APLP1: variants seen among roughly 807,000 people sequenced by gnomAD.
APLP1 encodes the protein amyloid beta (A4) precursor-like protein 1.
In APLP1, 46 loss-of-function variants were observed where a neutral mutation model predicts 84.5. The ratio of observed to expected loss-of-function variants is 0.54; its 90% CI spans 0.43 to 0.70. The LOEUF (loss-of-function observed/expected upper bound fraction) is 0.70. Ranked by LOEUF, APLP1 falls within the 30% of genes least tolerant of loss-of-function variation. The pLI is 0.00. For missense variants in APLP1, 826 were observed against 900.2 expected, an observed-to-expected ratio of 0.92 and a Z score of 1.05; for synonymous variants, 376 against 364.0, an observed-to-expected ratio of 1.03 and a Z score of -0.38.
At chr19:35,872,421 T>C (rs1398872230) in intron 6 of APLP1, 62 bp from the exon 7 acceptor site, 2 of 1,576,122 alleles carry the variant, frequency 1.3e-6, no homozygotes, top group African/African-American at 2.7e-5. Context: ...TGTGGTTCTC[T>C]AGGTAGAAAA....
At chr19:35,872,264 G>A (rs937886235) in intron 6 of APLP1, among the ~76,000 whole-genome samples, 19 of 152,134 alleles carry the variant, frequency 1.2e-4, no homozygotes, top group African/African-American at 4.1e-4. Flanking sequence ...AGGTCTTGAG[G>A]ATCATTTCAG....
Position 35,878,099 on chromosome 19 carries a change from C to T in APLP1, c.1570C>T (p.Leu524Phe). Reference sequence around the variant, plus strand: ...GCTGCCAGCAGACACCCCCATGACCCTTCCAAAAGGTGAGTGTCTCACAGT... The same window carrying T: ...GCTGCCAGCAGACACCCCCATGACCTTTCCAAAAGGTGAGTGTCTCACAGT... Reference protein sequence around the residue: ...DSKDADTPMTLPKGSTEQDAA... With the variant: ...DSKDADTPMTFPKGSTEQDAA... Residue 524 changes from leucine to phenylalanine, a missense_variant, in exon 13 of 17, where the codon CTT becomes TTT. Leu to Phe is a conservative substitution (Grantham distance 22). Coordinates refer to ENST00000221891, the MANE Select transcript of APLP1 (RefSeq NM_001024807.3). 6.2e-7 allele frequency: 1 copy of T among 1,612,960 alleles called. No homozygotes were observed. The highest frequency in any genetic ancestry group is 8.5e-7 in the Non-Finnish European group (1 of 1,179,558).
chr19:35,879,391 C>T lies in APLP1; in HGVS notation c.1906C>T (p.Arg636Trp), dbSNP rs764445337. 5 of 1,613,844 alleles carry T rather than the reference C, an allele frequency of 3.1e-6. No individual in the cohort carries two copies. The Admixed American group carries it at 6.7e-5, about 22-fold the overall frequency. Residue 636 changes from arginine (R) to tryptophan (W), a missense_variant, in exon 17 of 17, where the codon CGG becomes TGG. By Grantham distance (101) the Arg-to-Trp change is moderately radical (BLOSUM62 -3). Coordinates refer to ENST00000221891, the MANE Select transcript of APLP1 (RefSeq NM_001024807.3). ...LEEQQLRELQ[R>W]HGYENPTYRF... ...GGAGCAGCAGCTCCGCGAACTGCAGCGGCACGGCTATGAGAACCCCACTTA... is the reference window on the plus strand; with the variant it reads ...GGAGCAGCAGCTCCGCGAACTGCAGTGGCACGGCTATGAGAACCCCACTTA...
Position 35,871,722 on chromosome 19 carries a change from C to A in APLP1, c.648C>A (p.Pro216=). ...EYVCCPPPGT[P]DPSGTAVGDP... ...TGTGCTGTCCCCCTCCAGGGACCCC[C>A]GACCCATCTGGGACAGCAGTTGGGT... The change falls in exon 5 of 17, where the codon CCC becomes CCA. Residue 216 remains proline (P), a synonymous_variant. Transcript: ENST00000221891. 6.2e-7 allele frequency: 1 copy of A among 1,614,104 alleles called. No individual in the cohort carries two copies. The highest frequency in any genetic ancestry group is 8.5e-7 in the Non-Finnish European group (1 of 1,180,022).
At chr19:35,877,595 G>A (rs1472012917) in intron 11 of APLP1, 123 bp from the exon 12 acceptor site, 2 of 626,216 alleles carry the variant, frequency 3.2e-6, no homozygotes, top group Non-Finnish European at 5.5e-6. Flanking sequence ...CACACTTCTG[G>A]CTACCCCACA....
rs1207036001 is a variant in APLP1 at position 35,876,544 on chromosome 19, G to A, written c.1372G>A (p.Glu458Lys). ...GCATACCCACCTTCAAGTGATTGAGGAGAGGGTGAATCAGAGCCTGGGCCT... is the reference window on the plus strand; with the variant it reads ...GCATACCCACCTTCAAGTGATTGAGAAGAGGGTGAATCAGAGCCTGGGCCT... Reference protein sequence around the residue: ...QVHTHLQVIEERVNQSLGLLD... With the variant: ...QVHTHLQVIEKRVNQSLGLLD... The change falls in exon 11 of 17, where the codon GAG becomes AAG. Residue 458 changes from glutamate (E) to lysine (K), a missense_variant. By Grantham distance (56) the Glu-to-Lys change is moderately conservative. Coordinates refer to ENST00000221891, the MANE Select transcript of APLP1 (RefSeq NM_001024807.3). 1.2e-6 allele frequency: 2 copies of A among 1,613,926 alleles called. No homozygotes were observed. Among genetic ancestry groups the A allele is most frequent in the East Asian group, 2.2e-5 (1 of 44,838 alleles).
Position 35,869,663 on chromosome 19 carries a change from C to T in APLP1, c.148-4C>T, listed in dbSNP as rs867208999. The T allele has an allele frequency of 1.2e-6, 2 of 1,610,276 alleles. No homozygotes were observed. The highest frequency in any genetic ancestry group is 2.7e-5 in the African/African-American group (2 of 74,760). ...CCCTCACTGTCCTTTCCACTTCCATCCAGGCCCCGGGGTCGGCCCAGGTGG... is the reference window on the plus strand; with the variant it reads ...CCCTCACTGTCCTTTCCACTTCCATTCAGGCCCCGGGGTCGGCCCAGGTGG... On this transcript the variant is annotated splice_polypyrimidine_tract_variant and splice_region_variant and intron_variant, in intron 1 of 16. Transcript: ENST00000221891.
chr19:35,869,923 A>G (rs1489220437), intron 2 of APLP1, 113 bp downstream of exon 2: 1 of 1,371,726 alleles, frequency 7.3e-7, no homozygotes, highest in Non-Finnish European at 9.7e-7. Context: ...GGCGTGGCCA[A>G]TAAAGAGGCG....
chr19:35,871,506 G>A lies in APLP1; in HGVS notation c.538-106G>A. On this transcript the variant is annotated intron_variant, in intron 4 of 16. Coordinates refer to ENST00000221891, the MANE Select transcript of APLP1 (RefSeq NM_001024807.3). Reference sequence around the variant, plus strand: ...CCCCCAACCCCTTCCTCTAGAAGCAGGAATCCAGGCTCCCAGCCTCATCAA... The same window carrying A: ...CCCCCAACCCCTTCCTCTAGAAGCAAGAATCCAGGCTCCCAGCCTCATCAA... 6 of 1,474,106 alleles carry A rather than the reference G, an allele frequency of 4.1e-6. No individual in the cohort carries two copies. The South Asian group carries it at 7.1e-5, about 17-fold the overall frequency. 91.3% of individuals were successfully genotyped at this position (1,474,106 alleles called of 1,614,324 possible). A position where few individuals can be genotyped will look rare whatever the true frequency, so the allele number is the denominator to read the frequency against.
At position 35,872,553 on chromosome 19, in the gene APLP1, C is replaced by T. The variant is rs751432524; in HGVS notation, c.921C>T (p.His307=). The T allele has an allele frequency of 1.9e-5, 30 of 1,613,858 alleles. No homozygotes were observed. Among genetic ancestry groups the T allele is most frequent in the Admixed American group, 1.2e-4 (7 of 60,002 alleles). ...YFGMPGEISE[H]EGFLRAKMDL... ...GCATGCCTGGGGAAATCAGTGAGCA[C>T]GAGGGGTTCCTGAGGGCCAAGATGG... The change falls in exon 7 of 17, where the codon CAC becomes CAT. Residue 307 remains histidine (H), a synonymous_variant. Coordinates refer to ENST00000221891, the MANE Select transcript of APLP1 (RefSeq NM_001024807.3).
Position 35,871,163 on chromosome 19 carries a change from A to C in APLP1, c.425-74A>C, listed in dbSNP as rs147848091. On this transcript the variant is annotated intron_variant, in intron 3 of 16. Coordinates refer to ENST00000221891, the MANE Select transcript of APLP1 (RefSeq NM_001024807.3). The stretch of plus-strand genomic sequence containing the variant: ...GGGGCAGAGAAGCCTCTGAGGATAA[A>C]ATATCTGGATTCTGAGGAGGGTGGG... The C allele has an allele frequency of 6.6e-3, 10,230 of 1,549,322 alleles. 43 individuals are homozygous for C. Among genetic ancestry groups the C allele is most frequent in the Non-Finnish European group, 7.9e-3 (9,013 of 1,140,708 alleles).
In APLP1 at chr19:35,877,785, C is replaced by T. The variant is rs777798834; in HGVS notation, c.1512C>T (p.Ser504=). The change falls in exon 12 of 17, where the codon AGC becomes AGT. Residue 504 remains serine (S), a synonymous_variant. Transcript: ENST00000221891. ...ELEAPAPGGS[S]EDKGGLQPPD... is the part of the protein sequence containing the mutation. ...AAGCCCCTGCCCCTGGGGGCAGCAG[C>T]GAGGACAAGGGTGGGCTGCAGCCTC... is the stretch of plus-strand genomic sequence containing the variant. 3.6e-5 allele frequency: 58 copies of T among 1,610,364 alleles called. No individual in the cohort carries two copies. In the East Asian group the frequency reaches 5.8e-4, roughly 16 times the overall value.
In APLP1 at chr19:35,874,748, G is replaced by T; in HGVS notation, c.1223G>T (p.Arg408Leu). 1 of 1,613,214 alleles carries T rather than the reference G, an allele frequency of 6.2e-7. No homozygotes were observed. Among genetic ancestry groups the T allele is most frequent in the Non-Finnish European group, 8.5e-7 (1 of 1,179,524 alleles). The change falls in exon 10 of 17, where the codon CGT becomes CTT. Residue 408 changes from arginine to leucine, a missense_variant. Physicochemically the swap from Arg to Leu is moderately radical, Grantham distance 102. Around this residue, in one of 3 missense-constraint regions of APLP1, gnomAD observed 433 missense variants for 496.5 expected, o/e 0.87. Coordinates refer to ENST00000221891, the MANE Select transcript of APLP1 (RefSeq NM_001024807.3). The surrounding 1 kb of genome is among the most constrained non-coding windows in gnomAD (Gnocchi z 6.4). The stretch of plus-strand genomic sequence containing the variant: ...CCTGTGTCCCTTCCACAGGCGGAGC[G>T]TGTCCTGTTGGCCCTGCGGCGCTAC... Reference protein sequence around the residue: ...ALQADPPQAERVLLALRRYLR... With the variant: ...ALQADPPQAELVLLALRRYLR...
Position 35,870,921 on chromosome 19 carries a change from G to T in APLP1, c.317G>T (p.Arg106Leu). Residue 106 changes from arginine to leucine, a missense_variant, in exon 3 of 17, where the codon CGT (arginine) becomes CTT (leucine). Transcript: ENST00000221891. ...RQMYPELQIARVEQATQAIPM... is the reference protein window; with the variant it reads ...RQMYPELQIALVEQATQAIPM... ...ATGTACCCGGAGCTGCAGATTGCAC[G>T]TGTGGAGCAGGCTACGCAGGCCATC... The T allele has an allele frequency of 6.2e-7, 1 of 1,604,292 alleles. No individual in the cohort carries two copies. Among genetic ancestry groups the T allele is most frequent in the Non-Finnish European group, 8.5e-7 (1 of 1,176,432 alleles).
chr19:35,871,482 C>A, intron 4 of APLP1, 130 bp from the exon 5 acceptor site: 1 of 1,391,064 alleles, frequency 7.2e-7, no homozygotes, highest in Non-Finnish European at 1.0e-6. Context: ...GAATTTCATC[C>A]CCCAACCCCT....
In APLP1 at chr19:35,871,340, G is replaced by C. The variant is rs1251732221; in HGVS notation, c.528G>C (p.Glu176Asp). ...AGAGTTCAACCCGGAGGCATCAGGAGGCACAGGAGGTCAGGACGTTGGCCC... is the reference window on the plus strand; with the variant it reads ...AGAGTTCAACCCGGAGGCATCAGGACGCACAGGAGGTCAGGACGTTGGCCC... Reference protein sequence around the residue: ...QCESSTRRHQEAQEACSSQGL... With the variant: ...QCESSTRRHQDAQEACSSQGL... The change falls in exon 4 of 17, where the codon GAG (glutamate) becomes GAC (aspartate). Residue 176 changes from glutamate to aspartate, a missense_variant. Physicochemically the swap from Glu to Asp is conservative, Grantham distance 45. Coordinates refer to ENST00000221891, the MANE Select transcript of APLP1 (RefSeq NM_001024807.3). 1.2e-6 allele frequency: 2 copies of C among 1,609,922 alleles called. No individual in the cohort carries two copies. Among genetic ancestry groups the C allele is most frequent in the African/African-American group, 2.7e-5 (2 of 74,764 alleles).
intron 13 of APLP1, 161 bp from the exon 14 acceptor site, chr19:35,878,423 G>C (rs1757650821): frequency 4.2e-6 from 3 of 712,582 alleles, no homozygotes; most frequent in Non-Finnish European, 4.8e-6. Flanking sequence ...GGGCATGTCT[G>C]TAGTCCCAGC....
rs1568474332 is a variant in APLP1, at chr19:35,871,627, G to A, written c.553G>A (p.Gly185Ser). 6.2e-7 allele frequency: 1 copy of A among 1,613,946 alleles called. No homozygotes were observed. Among genetic ancestry groups the A allele is most frequent in the Non-Finnish European group, 8.5e-7 (1 of 1,180,010 alleles). Residue 185 changes from glycine (G) to serine (S), a missense_variant, in exon 5 of 17, where the codon GGC becomes AGC. By Grantham distance (56) the Gly-to-Ser change is moderately conservative. Coordinates refer to ENST00000221891, the MANE Select transcript of APLP1 (RefSeq NM_001024807.3). ...QEAQEACSSQ[G>S]LILHGSGMLL... ...CTTCCTACAGGCCTGCAGCTCCCAG[G>A]GCCTCATCCTGCACGGCTCGGGCAT...
chr19:35,879,540 T>C lies in APLP1; in HGVS notation c.*99T>C, dbSNP rs1324786519. ...CCTAGGGCAGCAGGGAGTCTTGAAG[T>C]GATCATTTCACACCCTTTTGTGAGA... is the stretch of plus-strand genomic sequence containing the variant. On this transcript the variant is annotated 3_prime_UTR_variant, in exon 17 of 17. Transcript: ENST00000221891. 1.0e-6 allele frequency: 1 copy of C among 996,562 alleles called. No individual in the cohort carries two copies. The highest frequency in any genetic ancestry group is 1.6e-5 in the African/African-American group (1 of 61,828). The allele number at this position is 996,562 out of a possible 1,614,324, so 61.7% of individuals were successfully genotyped here.
Sources: allele counts gnomAD v4.1 joint callset (sites outside exome capture counted in the v4.1 genomes callset), GRCh38; gene constraint gnomAD v4.1.1; regional missense constraint gnomAD v4.1.1; non-coding constraint Gnocchi (gnomAD v3.1); transcripts MANE v1.5; gene names NCBI Gene and HGNC (gene_info 2026-07-23, HGNC 2026-07-21).